The following USP53 variants were observed in gnomAD, a reference collection of about 807,000 sequenced individuals.
USP53 encodes ubiquitin specific peptidase 53.
A neutral mutation model predicts 94.9 loss-of-function variants in USP53; 71 were observed. The ratio of observed to expected loss-of-function variants is 0.75; its 90% CI spans 0.62 to 0.91. The LOEUF is 0.91. USP53 is among the 40% of genes least tolerant of loss of function. USP53 has a pLI of 0.00. For missense variants in USP53, 1,173 were observed against 1,281.0 expected (o/e 0.92, Z 1.29); for synonymous variants, 375 against 422.7 (o/e 0.89, Z 1.39).
intron 6 of USP53, among the ~76,000 whole-genome samples, chr4:119,246,924 A>G (rs1159982138): frequency 6.6e-6 from 1 of 152,148 alleles, no homozygotes; most frequent in African/African-American, 2.4e-5. Flanking sequence ...TTCATAATGA[A>G]CACATACACA....
At position 119,288,822 on chromosome 4, in the gene USP53, C is replaced by T. The variant is rs375431364; in HGVS notation, c.2252-2343C>T. On this transcript the variant is annotated intron_variant, in intron 17 of 18. Transcript: ENST00000692078. The stretch of plus-strand genomic sequence containing the variant: ...GCGTGGTGGCGCATGCCTGAAATCC[C>T]AGCTACTCAGGAGGCTGAGGCAGGA... Among the ~76,000 whole-genome samples, 20 of 151,942 alleles carry T rather than the reference C, an allele frequency of 1.3e-4. No homozygotes were observed. In the East Asian group the frequency reaches 3.5e-3, roughly 27 times the overall value.
chr4:119,264,806 A>G (rs895304765), intron 12 of USP53, among the ~76,000 whole-genome samples: 13 of 152,182 alleles, frequency 8.5e-5, no homozygotes, highest in Non-Finnish European at 1.5e-4. Context: ...AACCCAGCAA[A>G]TCCACTCCTG....
At chr4:119,261,006 C>T (rs1203834737) in intron 11 of USP53, among the ~76,000 whole-genome samples, 1 of 129,966 alleles carries the variant, frequency 7.7e-6, no homozygotes, top group African/African-American at 3.0e-5. Context: ...GTCACTCAGG[C>T]TGCAGTGCAG....
At position 119,239,718 on chromosome 4, in the gene USP53, G is replaced by A. The variant is rs1203695395; in HGVS notation, c.-42G>A. The A allele has an allele frequency of 1.9e-6, 3 of 1,570,296 alleles. No individual in the cohort carries two copies. The highest frequency in any genetic ancestry group is 3.4e-4 in the Middle Eastern group (2 of 5,862). On this transcript the variant is annotated 5_prime_UTR_variant, in exon 5 of 19. It adds an upstream start codon to the 5' untranslated region. Coordinates refer to ENST00000692078, the MANE Select transcript of USP53 (RefSeq NM_001371395.1). ...TTATTGTCCAAAATATTACATAAAA[G>A]TGTACAGTTTTTAGCCTAAATGCAA...
At chr4:119,283,009 A>G (rs1029022914) in intron 17 of USP53, among the ~76,000 whole-genome samples, 4 of 152,002 alleles carry the variant, frequency 2.6e-5, no homozygotes, top group Non-Finnish European at 5.9e-5. Flanking sequence ...AAAATCTATA[A>G]TAATGCCACC....
intron 9 of USP53, 26 bp downstream of exon 9, chr4:119,256,549 T>C (rs754119394): frequency 3.7e-6 from 6 of 1,601,036 alleles, no homozygotes; most frequent in Non-Finnish European, 5.1e-6. Context: ...AGCTTAATTA[T>C]CAACGATATT....
intron 17 of USP53, 105 bp downstream of exon 17, chr4:119,273,813 T>A: frequency 1.1e-6 from 1 of 895,550 alleles, no homozygotes; most frequent in South Asian, 2.0e-5. Context: ...ACTATAAAAA[T>A]TATTTTTAAA....
chr4:119,295,161 A>G lies in USP53; in HGVS notation c.*1950A>G, dbSNP rs1183487322. ...TCTTTTCAACTCAGTTGAGTTGTAG[A>G]TATCAAATAGAAATGTCCAGTTTTG... On this transcript the variant is annotated 3_prime_UTR_variant, in exon 19 of 19. Transcript: ENST00000692078. 6.6e-6 allele frequency: 1 copy of G among 152,146 alleles called. No homozygotes were observed. Among genetic ancestry groups the G allele is most frequent in the Non-Finnish European group, 1.5e-5 (1 of 68,012 alleles). 9.4% of individuals were successfully genotyped at this position (152,146 alleles called of 1,614,324 possible).
At chr4:119,214,650 C>A (rs1273885652) in intron 2 of USP53, among the ~76,000 whole-genome samples, 4 of 150,264 alleles carry the variant, frequency 2.7e-5, no homozygotes, top group Non-Finnish European at 5.9e-5. Flanking sequence ...ACTCTTAAGA[C>A]CTGCCATATG....
chr4:119,249,866 G>A (rs1748738037), intron 7 of USP53, among the ~76,000 whole-genome samples: 1 of 151,816 alleles, frequency 6.6e-6, no homozygotes, highest in South Asian at 2.1e-4. Context: ...GGGTTTCACT[G>A]TGTTAGCCAG....
chr4:119,263,294 A>G (rs574026254), intron 12 of USP53, among the ~76,000 whole-genome samples: 1 of 152,306 alleles, frequency 6.6e-6, no homozygotes, highest in African/African-American at 2.4e-5. Flanking sequence ...TCAGCTCTAT[A>G]ATTACCCCCT....
Position 119,245,395 on chromosome 4 carries a change from G to T in USP53, c.203G>T (p.Cys68Phe), listed in dbSNP as rs1748101435. The T allele has an allele frequency of 6.2e-7, 1 of 1,613,858 alleles. No homozygotes were observed. Among genetic ancestry groups the T allele is most frequent in the Non-Finnish European group, 8.5e-7 (1 of 1,179,896 alleles). ...TTGCGGGTTTTGACTGGACATGTTT[G>T]TCAGGGAGATGCCTGTATATTTTGT... is the stretch of plus-strand genomic sequence containing the variant. ...RSLRVLTGHV[C>F]QGDACIFCAL... Residue 68 changes from cysteine (C) to phenylalanine (F), a missense_variant, in exon 6 of 19, where the codon TGT becomes TTT. Cys to Phe is a radical substitution (Grantham distance 205). Coordinates refer to ENST00000692078, the MANE Select transcript of USP53 (RefSeq NM_001371395.1).
rs1183196269 is a variant in USP53, at chr4:119,255,635, T to G, written c.373-611T>G. On this transcript the variant is annotated intron_variant, in intron 7 of 18. Coordinates refer to ENST00000692078, the MANE Select transcript of USP53 (RefSeq NM_001371395.1). The stretch of plus-strand genomic sequence containing the variant: ...CAGTATTTCGGCAGGAGTGTATGGC[T>G]CCTCCAGGTACATTCACTCACAGCT... 2.0e-5 allele frequency among the ~76,000 whole-genome samples: 3 copies of G among 152,144 alleles called. No homozygotes were observed. In the East Asian group the frequency reaches 5.8e-4, roughly 29 times the overall value.
intron 3 of USP53, among the ~76,000 whole-genome samples, chr4:119,227,279 A>ACACACACACACACACC (rs1274992095): frequency 3.3e-5 from 5 of 151,230 alleles, no homozygotes; most frequent in Non-Finnish European, 5.9e-5. Context: ...ACACACACAC[A>ACACACACACACACACC]CACACACACA....
chr4:119,227,300 A>ACACACACACACACACACAC lies in USP53; in HGVS notation c.-664-7990_-664-7989insCACACACACACACACACAC, dbSNP rs1442892298. 2.9e-3 allele frequency among the ~76,000 whole-genome samples: 127 copies of ACACACACACACACACACAC among 43,914 alleles called. 1 individual carries two copies. The highest frequency in any genetic ancestry group is 7.6e-3 in the African/African-American group (72 of 9,470). 28.8% of individuals were successfully genotyped at this position (43,914 alleles called of 152,430 possible). A position where few individuals can be genotyped will look rare whatever the true frequency, so the allele number is the denominator to read the frequency against. ...ACACACACACACACACACACACACAAACTTGAAATGAATCATAGAGCTAAC... is the reference window on the plus strand; with the variant it reads ...ACACACACACACACACACACACACAACACACACACACACACACACACTTGAAATGAATCATAGAGCTAAC... On this transcript the variant is annotated intron_variant, in intron 3 of 18. Transcript: ENST00000692078.
chr4:119,255,420 G>A (rs944527797), intron 7 of USP53, among the ~76,000 whole-genome samples: 1 of 152,030 alleles, frequency 6.6e-6, no homozygotes, highest in Non-Finnish European at 1.5e-5. Context: ...TTTACACCGT[G>A]AGCAGAGAAC....
rs780289434 is a variant in USP53 at position 119,256,321 on chromosome 4, A to G, written c.448A>G (p.Ile150Val). 3 of 1,613,886 alleles carry G rather than the reference A, an allele frequency of 1.9e-6. No homozygotes were observed. Among genetic ancestry groups the G allele is most frequent in the Middle Eastern group, 1.6e-4 (1 of 6,080 alleles). ...AGACATGTGTACCTCTAAATCTTGT[A>G]TCACTCACCAGAAGTTTGCTATGAC... ...DADMCTSKSC[I>V]THQKFAMTLY... Residue 150 changes from isoleucine to valine, a missense_variant, in exon 8 of 19, where the codon ATC becomes GTC. By Grantham distance (29) the Ile-to-Val change is conservative. Coordinates refer to ENST00000692078, the MANE Select transcript of USP53 (RefSeq NM_001371395.1).
chr4:119,232,706 C>G (rs1443803648), intron 3 of USP53, among the ~76,000 whole-genome samples: 3 of 152,060 alleles, frequency 2.0e-5, no homozygotes, highest in Non-Finnish European at 2.9e-5. Flanking sequence ...TATGTTATTC[C>G]TTTGACATAT....
rs186623419 is a variant in USP53, at chr4:119,222,772, A to G, written c.-665+5099A>G. Among the ~76,000 whole-genome samples the G allele has an allele frequency of 2.5e-4, 38 of 152,280 alleles. No homozygotes were observed. In the East Asian group the frequency reaches 7.1e-3, roughly 29 times the overall value. ...ATAATGCCACAATAAACATGGGAGT[A>G]TAGACATCTCTTTGATTTTCTTTCT... On this transcript the variant is annotated intron_variant, in intron 3 of 18. Transcript: ENST00000692078.
Sources: gnomAD v4.1 joint callset for allele counts (sites outside exome capture counted in the v4.1 genomes callset) on GRCh38, gnomAD v4.1.1 for gene constraint, MANE v1.5 for transcripts, NCBI Gene and HGNC (gene_info 2026-07-23, HGNC 2026-07-21) for gene names.